The following WASHC5 variants were observed in gnomAD, a reference collection of about 807,000 sequenced individuals.
WASHC5 encodes the protein WASH complex subunit 5.
Under a neutral mutation model 150.4 loss-of-function variants are expected in WASHC5, and 101 were observed. That is an observed-to-expected ratio of 0.67 (90% CI 0.57 to 0.79). The LOEUF (loss-of-function observed/expected upper bound fraction) is 0.79, where lower values mean the gene tolerates loss of function less well. Among genes scored for constraint, WASHC5 ranks in the 30% least tolerant of loss-of-function variants. The probability of loss-of-function intolerance (pLI) is 0.00; values close to 1 mark genes in which losing one functional copy is unlikely to be tolerated. For missense variants in WASHC5, 1,195 were observed against 1,396.3 expected, an observed-to-expected ratio of 0.86 and a Z score of 2.30; for synonymous variants, 467 against 491.2, an observed-to-expected ratio of 0.95 and a Z score of 0.65.
chr8:125,038,771 C>T, intron 25 of WASHC5, 59 bp downstream of exon 25: 1 of 1,601,766 alleles, frequency 6.2e-7, no homozygotes. Flanking sequence ...TAATCTGTTA[C>T]CTGGGCCAAA....
chr8:125,028,485 G>A, intron 28 of WASHC5, 135 bp downstream of exon 28: 1 of 665,050 alleles, frequency 1.5e-6, no homozygotes, highest in Admixed American at 2.1e-5. Context: ...AGAGCTGGGG[G>A]TAGAGCAGTG....
chr8:125,068,806 G>A (rs1816822178), intron 9 of WASHC5, among the ~76,000 whole-genome samples: 1 of 152,254 alleles, frequency 6.6e-6, no homozygotes, highest in Admixed American at 6.5e-5. Context: ...AAATTAGGCA[G>A]TGATTGACCC....
chr8:125,060,937 T>C (rs1816575104), intron 12 of WASHC5, 145 bp downstream of exon 12: 3 of 647,008 alleles, frequency 4.6e-6, no homozygotes, highest in Middle Eastern at 2.6e-4. Flanking sequence ...TAGGACAGTA[T>C]ACGTTACAGG....
chr8:125,037,811 A>G (rs1195580838), intron 25 of WASHC5, among the ~76,000 whole-genome samples: 1 of 152,216 alleles, frequency 6.6e-6, no homozygotes, highest in Non-Finnish European at 1.5e-5. Context: ...GAAAGAGAGC[A>G]AAGTTCTTCT....
chr8:125,043,787 G>GT, intron 23 of WASHC5, 38 bp downstream of exon 23: 1 of 1,396,040 alleles, frequency 7.2e-7, no homozygotes, highest in Non-Finnish European at 1.0e-6. Flanking sequence ...ATTTAAAAAT[G>GT]TAAGTATTGA....
intron 27 of WASHC5, 114 bp downstream of exon 27, chr8:125,032,127 G>T: frequency 1.6e-6 from 2 of 1,227,538 alleles, no homozygotes; most frequent in Non-Finnish European, 2.4e-6. Context: ...TACAGAGAAG[G>T]GTGAGCAACC....
At chr8:125,059,605 C>A in intron 12 of WASHC5, 63 bp from the exon 13 acceptor site, 1 of 1,188,148 alleles carries the variant, frequency 8.4e-7, no homozygotes, top group East Asian at 2.4e-5. Context: ...CTCATTTGTT[C>A]TTGAAAACAC....
Position 125,030,721 on chromosome 8 carries a change from C to T in WASHC5, c.3335+1520G>A, listed in dbSNP as rs145891514. On this transcript the variant is annotated intron_variant, in intron 27 of 28. Coordinates refer to ENST00000318410, the MANE Select transcript of WASHC5 (RefSeq NM_014846.4). ...GTCCACAGAGGGCCCAGAATGAAGA[C>T]GTGTAATACTCCTCTGTGCCAAGGG... Among the ~76,000 whole-genome samples, 112 of 147,882 alleles carry T rather than the reference C, an allele frequency of 7.6e-4. No homozygotes were observed. In the South Asian group the frequency reaches 1.0e-2, roughly 13 times the overall value.
chr8:125,079,053 C>T, intron 5 of WASHC5, 123 bp from the exon 6 acceptor site: 1 of 701,236 alleles, frequency 1.4e-6, no homozygotes. Flanking sequence ...ATCACAGGTC[C>T]ATCTATATCC....
intron 20 of WASHC5, among the ~76,000 whole-genome samples, chr8:125,046,336 C>G (rs1816068556): frequency 6.6e-6 from 1 of 152,204 alleles, no homozygotes; most frequent in African/African-American, 2.4e-5. Context: ...TTACTAGAGG[C>G]AGCATGCTAG....
intron 3 of WASHC5, 169 bp downstream of exon 3, chr8:125,082,944 C>A (rs1817314143): frequency 3.7e-6 from 2 of 546,684 alleles, no homozygotes; most frequent in Non-Finnish European, 6.4e-6. Flanking sequence ...AGTAAAACTT[C>A]AAAATTCTTA....
chr8:125,082,343 A>C (rs1224961136), intron 4 of WASHC5, 40 bp downstream of exon 4: 10 of 1,099,644 alleles, frequency 9.1e-6, no homozygotes, highest in Non-Finnish European at 1.4e-5. Context: ...ACTATGTTTG[A>C]TATTCTTGAA....
At chr8:125,081,627 G>C (rs1389168610) in intron 5 of WASHC5, 34 bp downstream of exon 5, 1 of 1,196,566 alleles carries the variant, frequency 8.4e-7, no homozygotes, top group African/African-American at 1.5e-5. Context: ...ACCGACAGCA[G>C]CGTTTCGGAA....
chr8:125,056,967 C>A (rs1816426113), intron 15 of WASHC5, 150 bp from the exon 16 acceptor site: 6 of 845,078 alleles, frequency 7.1e-6, no homozygotes, highest in Non-Finnish European at 1.2e-5. Context: ...CACAGGGCTC[C>A]ATTCCTTTAA....
chr8:125,072,427 G>A (rs951988922), intron 9 of WASHC5, among the ~76,000 whole-genome samples: 4 of 150,572 alleles, frequency 2.7e-5, no homozygotes, highest in Admixed American at 2.6e-4. Context: ...AGGCTGCAGT[G>A]CAGTAGCATG....
chr8:125,076,233 G>C lies in WASHC5; in HGVS notation c.864+115C>G, dbSNP rs942320634. On this transcript the variant is annotated intron_variant, in intron 7 of 28. Transcript: ENST00000318410. ...ATACAGTTAGAGCAAGTTTACCTAAGTGATGTTATGTCCCATTATTTACAA... is the reference window on the plus strand; with the variant it reads ...ATACAGTTAGAGCAAGTTTACCTAACTGATGTTATGTCCCATTATTTACAA... The C allele has an allele frequency of 3.2e-6, 3 of 923,796 alleles. No individual in the cohort carries two copies. In the East Asian group the frequency reaches 7.5e-5, roughly 23 times the overall value. 57.2% of individuals were successfully genotyped at this position (923,796 alleles called of 1,614,324 possible).
chr8:125,025,758 T>A (rs2129935882), intron 28 of WASHC5, among the ~76,000 whole-genome samples: 1 of 152,124 alleles, frequency 6.6e-6, no homozygotes, highest in South Asian at 2.1e-4. Flanking sequence ...ATTTTTTTAA[T>A]CTTAATCCCT....
chr8:125,069,262 T>C (rs1381163321), intron 9 of WASHC5, among the ~76,000 whole-genome samples: 2 of 152,264 alleles, frequency 1.3e-5, no homozygotes, highest in Non-Finnish European at 2.9e-5. Context: ...CCTTGCTAGA[T>C]GCTGGCACCA....
Position 125,091,752 on chromosome 8 carries a change from A to T in WASHC5, c.-262T>A, listed in dbSNP as rs1447977878. The T allele has an allele frequency of 6.6e-6, 1 of 152,188 alleles. No homozygotes were observed. Among genetic ancestry groups the T allele is most frequent in the Non-Finnish European group, 1.5e-5 (1 of 68,094 alleles). 9.4% of individuals were successfully genotyped at this position (152,188 alleles called of 1,614,324 possible). A position where few individuals can be genotyped will look rare whatever the true frequency, so the allele number is the denominator to read the frequency against. On this transcript the variant is annotated 5_prime_UTR_variant, in exon 1 of 29. Coordinates refer to ENST00000318410, the MANE Select transcript of WASHC5 (RefSeq NM_014846.4). ...CGGACCTGGAGCGGGTCAGACCCCG[A>T]CTTCCGCCCCTGACTCCCCAGGCGG...
Sources: allele counts gnomAD v4.1 joint callset (sites outside exome capture counted in the v4.1 genomes callset), GRCh38; gene constraint gnomAD v4.1.1; transcripts MANE v1.5; gene names NCBI Gene and HGNC (gene_info 2026-07-23, HGNC 2026-07-21).